The following PPP1R9A variants were observed in gnomAD, a reference collection of about 807,000 sequenced individuals.
PPP1R9A encodes neurabin-1.
PPP1R9A carries 59 observed loss-of-function variants against 141.9 expected under a neutral mutation model. The ratio of observed to expected loss-of-function variants is 0.42; its 90% CI spans 0.34 to 0.52. PPP1R9A has a LOEUF of 0.52. PPP1R9A is among the 20% of genes least tolerant of loss of function. The pLI is 0.10. For synonymous variants in PPP1R9A, 500 were observed against 569.7 expected, an observed-to-expected ratio of 0.88 and a Z score of 1.74; for missense variants, 1,444 against 1,611.9, an observed-to-expected ratio of 0.90 and a Z score of 1.78.
intron 12 of PPP1R9A, among the ~76,000 whole-genome samples, chr7:95,254,048 C>T (rs1291111934): frequency 6.6e-6 from 1 of 152,032 alleles, no homozygotes; most frequent in Admixed American, 6.6e-5. Context: ...TGGATCAAAA[C>T]CTTACATTTC....
intron 2 of PPP1R9A, among the ~76,000 whole-genome samples, chr7:94,981,405 A>G (rs371592201): frequency 6.6e-6 from 1 of 151,962 alleles, no homozygotes; most frequent in Non-Finnish European, 1.5e-5. Flanking sequence ...GCAGCCGGCT[A>G]ATTTTTGTAT....
intron 2 of PPP1R9A, among the ~76,000 whole-genome samples, chr7:94,928,986 A>C (rs1014753052): frequency 6.6e-6 from 1 of 152,214 alleles, no homozygotes; most frequent in Admixed American, 6.5e-5. Flanking sequence ...TAATTTGCAG[A>C]CCTAAGCTCA....
intron 5 of PPP1R9A, among the ~76,000 whole-genome samples, chr7:95,172,557 C>A (rs576772499): frequency 1.3e-5 from 2 of 151,782 alleles, no homozygotes; most frequent in African/African-American, 4.8e-5. Flanking sequence ...ATATTAAATA[C>A]TTAAAGGTAA....
intron 2 of PPP1R9A, among the ~76,000 whole-genome samples, chr7:94,969,509 C>T (rs1350726362): frequency 6.6e-6 from 1 of 152,106 alleles, no homozygotes; most frequent in Non-Finnish European, 1.5e-5. Flanking sequence ...CCTGTTCCTG[C>T]CTCTGGAAGC....
chr7:95,258,803 A>T (rs1456801256), intron 12 of PPP1R9A, among the ~76,000 whole-genome samples: 1 of 152,214 alleles, frequency 6.6e-6, no homozygotes, highest in Non-Finnish European at 1.5e-5. Flanking sequence ...AAAGTGTCAC[A>T]GTAAAATGTG....
At chr7:95,036,789 A>G (rs1180008526) in intron 2 of PPP1R9A, 2 of 152,334 alleles carry the variant, frequency 1.3e-5, no homozygotes, top group East Asian at 1.9e-4. Flanking sequence ...GAACTGCAAG[A>G]GAAATGTTTT....
chr7:95,045,652 C>T (rs777928891), intron 2 of PPP1R9A, among the ~76,000 whole-genome samples: 2 of 152,176 alleles, frequency 1.3e-5, no homozygotes, highest in Non-Finnish European at 2.9e-5. Context: ...CTTTTTGGCG[C>T]CTGTGACCAA....
At chr7:95,137,602 A>G (rs1210437945) in intron 4 of PPP1R9A, among the ~76,000 whole-genome samples, 1 of 152,166 alleles carries the variant, frequency 6.6e-6, no homozygotes, top group Non-Finnish European at 1.5e-5. Context: ...GTAGAACAGA[A>G]GGCTCACTGT....
At chr7:95,061,409 A>G (rs1267037862) in intron 2 of PPP1R9A, among the ~76,000 whole-genome samples, 1 of 152,214 alleles carries the variant, frequency 6.6e-6, no homozygotes, top group Non-Finnish European at 1.5e-5. Flanking sequence ...GGTCTTTACA[A>G]TATAACTTGT....
intron 4 of PPP1R9A, among the ~76,000 whole-genome samples, chr7:95,128,116 A>G (rs1463616673): frequency 6.6e-6 from 1 of 152,198 alleles, no homozygotes; most frequent in Non-Finnish European, 1.5e-5. Context: ...GACTGAACTA[A>G]TTTGTATGCC....
At chr7:95,074,125 A>G (rs372614247) in intron 2 of PPP1R9A, among the ~76,000 whole-genome samples, 231 of 152,334 alleles carry the variant, frequency 1.5e-3, no homozygotes, top group Middle Eastern at 3.4e-3. Flanking sequence ...GTGGTGAACA[A>G]TACAAATGTC....
At position 94,915,713 on chromosome 7, in the gene PPP1R9A, T is replaced by A. The variant is rs952061229; in HGVS notation, c.1395+4205T>A. On this transcript the variant is annotated intron_variant, in intron 2 of 19. Transcript: ENST00000433360. ...CTGTCCTGGATAAACAATGTTCCTA[T>A]GTCCCATCTTTCTTTCACATAACCC... 2.6e-5 allele frequency among the ~76,000 whole-genome samples: 4 copies of A among 152,234 alleles called. No individual in the cohort carries two copies. The East Asian group carries it at 7.7e-4, about 29-fold the overall frequency.
intron 5 of PPP1R9A, among the ~76,000 whole-genome samples, chr7:95,196,146 C>G (rs1194588048): frequency 1.3e-5 from 2 of 151,522 alleles, no homozygotes; most frequent in East Asian, 3.9e-4. Context: ...GAAAGACAAC[C>G]CAATTTTCAG....
intron 4 of PPP1R9A, among the ~76,000 whole-genome samples, chr7:95,160,260 G>A (rs1018533098): frequency 1.3e-5 from 2 of 152,070 alleles, no homozygotes; most frequent in African/African-American, 4.8e-5. Context: ...TGAATGGGAA[G>A]GATTCCCTGT....
At position 94,954,536 on chromosome 7, in the gene PPP1R9A, CCTT is replaced by C. The variant is rs1232819889; in HGVS notation, c.1395+43029_1395+43031del. On this transcript the variant is annotated intron_variant, in intron 2 of 19. Transcript: ENST00000433360. Reference sequence around the variant, plus strand: ...TCTTTTATTTGCAATATTTTTGTGTCCTTATTTTTTAAGAATGTCTTATGAACA... The same window carrying C: ...TCTTTTATTTGCAATATTTTTGTGTCATTTTTTAAGAATGTCTTATGAACA... Among the ~76,000 whole-genome samples the C allele has an allele frequency of 2.0e-5, 3 of 151,708 alleles. No individual in the cohort carries two copies. In the East Asian group the frequency reaches 5.8e-4, roughly 29 times the overall value.
chr7:95,218,816 G>T (rs1273422733), intron 7 of PPP1R9A, among the ~76,000 whole-genome samples: 2 of 151,830 alleles, frequency 1.3e-5, no homozygotes, highest in African/African-American at 4.8e-5. Flanking sequence ...TTTTCCTTTT[G>T]CTTAGTGGAT....
intron 2 of PPP1R9A, among the ~76,000 whole-genome samples, chr7:94,912,920 A>G (rs1167517458): frequency 6.6e-6 from 1 of 151,604 alleles, no homozygotes; most frequent in Non-Finnish European, 1.5e-5. Context: ...CCACTGCCCT[A>G]CTCTAGATGG....
At chr7:94,969,672 C>T (rs1584444264) in intron 2 of PPP1R9A, among the ~76,000 whole-genome samples, 2 of 152,308 alleles carry the variant, frequency 1.3e-5, no homozygotes, top group Admixed American at 1.3e-4. Context: ...AGCTTAAGCA[C>T]TGTGCTGGGA....
chr7:95,102,928 AT>A (rs2152408803), intron 2 of PPP1R9A, among the ~76,000 whole-genome samples: 1 of 152,338 alleles, frequency 6.6e-6, no homozygotes, highest in South Asian at 2.1e-4. Context: ...TCTAGAGTCT[AT>A]GAAGTATCTT....
Sources: gnomAD v4.1 joint callset for allele counts (sites outside exome capture counted in the v4.1 genomes callset) on GRCh38, gnomAD v4.1.1 for gene constraint, MANE v1.5 for transcripts, NCBI Gene and HGNC (gene_info 2026-07-23, HGNC 2026-07-21) for gene names.